TPX2: variants seen among roughly 807,000 people sequenced by gnomAD.
TPX2 encodes the protein TPX2 microtubule nucleation factor.
In TPX2, 21 loss-of-function variants were observed where a neutral mutation model predicts 93.6. That is an observed-to-expected ratio of 0.22 (90% CI 0.16 to 0.32). TPX2 has a LOEUF of 0.32. Ranked by LOEUF, TPX2 falls within the 10% of genes least tolerant of loss-of-function variation. The pLI, the probability that TPX2 is intolerant of heterozygous loss-of-function variation, is 1.00. For missense variants in TPX2, 776 were observed against 871.1 expected (o/e 0.89, Z 1.37); for synonymous variants, 281 against 298.3 (o/e 0.94, Z 0.60).
rs550119037 is a variant in TPX2 at position 31,775,929 on chromosome 20, A to G, written c.671A>G (p.Glu224Gly). ...ELEKSMKMQQ[E>G]VVEMRKKNEE... Reference sequence around the variant, plus strand: ...GAGAAGAGTATGAAAATGCAGCAAGAGGTGGTGGAGATGCGGAAAAAGAAT... The same window carrying G: ...GAGAAGAGTATGAAAATGCAGCAAGGGGTGGTGGAGATGCGGAAAAAGAAT... Residue 224 changes from glutamate to glycine, a missense_variant, in exon 8 of 18, where the codon GAG becomes GGG. Around this residue, in one of 3 missense-constraint regions of TPX2, gnomAD observed 279 missense variants for 261.6 expected, o/e 1.07. Transcript: ENST00000300403. 10 of 1,602,590 alleles carry G rather than the reference A, an allele frequency of 6.2e-6. No individual in the cohort carries two copies. In the South Asian group the frequency reaches 1.1e-4, roughly 18 times the overall value.
At chr20:31,771,953 G>A (rs972226141) in intron 7 of TPX2, among the ~76,000 whole-genome samples, 4 of 151,672 alleles carry the variant, frequency 2.6e-5, no homozygotes, top group African/African-American at 7.3e-5. Flanking sequence ...CTGGGCTTAC[G>A]TGATCCTCCC....
chr20:31,765,727 T>C (rs2061921002), intron 4 of TPX2, among the ~76,000 whole-genome samples: 1 of 152,242 alleles, frequency 6.6e-6, no homozygotes. Context: ...CCCTTCTTGG[T>C]ACTCTTTGGC....
At position 31,801,089 on chromosome 20, in the gene TPX2, G is replaced by T; in HGVS notation, c.*9G>T. 6.2e-7 allele frequency: 1 copy of T among 1,613,032 alleles called. No individual in the cohort carries two copies. Among genetic ancestry groups the T allele is most frequent in the Non-Finnish European group, 8.5e-7 (1 of 1,179,032 alleles). ...CTCGATTCCACTGCTAAACTCAGCTGTGAGCTGCGGATACCGCCCGGCAAT... is the reference window on the plus strand; with the variant it reads ...CTCGATTCCACTGCTAAACTCAGCTTTGAGCTGCGGATACCGCCCGGCAAT... On this transcript the variant is annotated 3_prime_UTR_variant, in exon 18 of 18. Transcript: ENST00000300403.
chr20:31,761,119 T>C (rs963457067), intron 4 of TPX2, among the ~76,000 whole-genome samples: 1 of 152,114 alleles, frequency 6.6e-6, no homozygotes, highest in African/African-American at 2.4e-5. Context: ...AAAAGTATTA[T>C]GTGGGTAAAT....
intron 12 of TPX2, among the ~76,000 whole-genome samples, chr20:31,788,417 CAAAAAAAAAAAAA>C (rs11356550): frequency 3.8e-4 from 26 of 68,698 alleles, no homozygotes; most frequent in Non-Finnish European, 7.1e-4. Context: ...GACTCTGTCT[CAAAAAAAAAAAAA>C]AAAAAAAAAG....
chr20:31,752,342 G>C (rs1201415764), intron 2 of TPX2, among the ~76,000 whole-genome samples: 2 of 152,160 alleles, frequency 1.3e-5, no homozygotes, highest in East Asian at 1.9e-4. Flanking sequence ...TTCTTACTTA[G>C]TTCTCATTGG....
intron 10 of TPX2, 113 bp downstream of exon 10, chr20:31,779,097 T>C (rs552373341): frequency 4.9e-6 from 6 of 1,219,516 alleles, no homozygotes; most frequent in Admixed American, 5.8e-5. Flanking sequence ...AATTAAAGTA[T>C]GGCGTGTGAC....
At chr20:31,772,324 C>T (rs753159931) in intron 7 of TPX2, among the ~76,000 whole-genome samples, 6 of 152,008 alleles carry the variant, frequency 3.9e-5, no homozygotes, top group Non-Finnish European at 5.9e-5. Flanking sequence ...CCCAGCCTAC[C>T]TGGCTAACTT....
chr20:31,797,774 G>A (rs774400033), intron 16 of TPX2, among the ~76,000 whole-genome samples: 4 of 152,164 alleles, frequency 2.6e-5, no homozygotes, highest in South Asian at 2.1e-4. Context: ...AACAATGATA[G>A]GTTTTCCCCA....
At chr20:31,779,270 A>G (rs2062019721) in intron 10 of TPX2, among the ~76,000 whole-genome samples, 1 of 152,186 alleles carries the variant, frequency 6.6e-6, no homozygotes, top group South Asian at 2.1e-4. Context: ...TTTTTTTGCC[A>G]TGTGTCAAAG....
At chr20:31,784,311 G>A (rs6060944) in intron 12 of TPX2, among the ~76,000 whole-genome samples, 56,333 of 151,998 alleles carry the variant, frequency 0.37, 12,564 homozygotes, top group African/African-American at 0.61. Flanking sequence ...CAATTTTACT[G>A]TGTGCCAGGA....
chr20:31,749,407 C>T (rs546542398), intron 2 of TPX2, among the ~76,000 whole-genome samples: 1 of 152,250 alleles, frequency 6.6e-6, no homozygotes, highest in Non-Finnish European at 1.5e-5. Flanking sequence ...AAGATAATAA[C>T]AGTACCTACT....
chr20:31,785,323 A>G (rs1163752990), intron 12 of TPX2, among the ~76,000 whole-genome samples: 1 of 152,188 alleles, frequency 6.6e-6, no homozygotes, highest in African/African-American at 2.4e-5. Flanking sequence ...CCATTGAGGA[A>G]ACAGTGTTGT....
At chr20:31,758,087 T>C (rs1379665803) in intron 3 of TPX2, among the ~76,000 whole-genome samples, 1 of 151,046 alleles carries the variant, frequency 6.6e-6, no homozygotes, top group Non-Finnish European at 1.5e-5. Flanking sequence ...ATAATTACCC[T>C]CACCTCCCTC....
At chr20:31,781,054 G>A (rs2062030284) in intron 10 of TPX2, 3 of 309,380 alleles carry the variant, frequency 9.7e-6, no homozygotes, top group South Asian at 8.2e-5. Flanking sequence ...CAAGTAATTG[G>A]GACTATATAT....
chr20:31,786,361 A>G (rs2062065921), intron 12 of TPX2, among the ~76,000 whole-genome samples: 2 of 150,474 alleles, frequency 1.3e-5, no homozygotes, highest in Non-Finnish European at 3.0e-5. Flanking sequence ...CACCTCACCT[A>G]AGATCCTTTC....
chr20:31,773,981 C>T (rs567045398), intron 7 of TPX2, among the ~76,000 whole-genome samples: 55 of 148,330 alleles, frequency 3.7e-4, no homozygotes, highest in Middle Eastern at 3.4e-3. Flanking sequence ...AAGTGATTCT[C>T]CTCCCTCAGC....
Position 31,801,019 on chromosome 20 carries a change from C to G in TPX2, c.2183C>G (p.Ser728Ter). 6.2e-7 allele frequency: 1 copy of G among 1,614,214 alleles called. No individual in the cohort carries two copies. Among genetic ancestry groups the G allele is most frequent in the Non-Finnish European group, 8.5e-7 (1 of 1,180,040 alleles). The part of the protein sequence containing the change: ...IRKYQGLEIK[S>*]SDQPLTVPVS... ...AAGTACCAGGGTCTGGAGATAAAGT[C>G]AAGTGACCAGCCTCTGACTGTGCCT... Residue 728 changes from serine to a stop codon, truncating the protein, a stop_gained, in exon 18 of 18, where the codon TCA becomes TGA. Transcript: ENST00000300403. LOFTEE classifies it high-confidence loss of function.
At chr20:31,749,069 C>T (rs1398626958) in intron 2 of TPX2, among the ~76,000 whole-genome samples, 1 of 151,962 alleles carries the variant, frequency 6.6e-6, no homozygotes, top group East Asian at 1.9e-4. Context: ...CCTCAGCCTC[C>T]CGAGTAGCTG....
Sources: allele counts gnomAD v4.1 joint callset (sites outside exome capture counted in the v4.1 genomes callset), GRCh38; gene constraint gnomAD v4.1.1; regional missense constraint gnomAD v4.1.1; transcripts MANE v1.5; gene names NCBI Gene and HGNC (gene_info 2026-07-23, HGNC 2026-07-21).